The following MYO3B variants were observed in gnomAD, a reference collection of about 807,000 sequenced individuals.
MYO3B encodes myosin IIIB.
In MYO3B, 156 loss-of-function variants were observed where a neutral mutation model predicts 174.6. That is an observed-to-expected ratio of 0.89 (90% CI 0.78 to 1.02). MYO3B has a LOEUF of 1.02. Among genes scored for constraint, MYO3B ranks in the 50% least tolerant of loss-of-function variants. MYO3B has a pLI of 0.00. For missense variants in MYO3B, 1,632 were observed against 1,639.4 expected (o/e 1.00, Z 0.08); for synonymous variants, 563 against 569.1 (o/e 0.99, Z 0.15).
intron 7 of MYO3B, among the ~76,000 whole-genome samples, chr2:170,244,675 A>T (rs200692742): frequency 6.6e-6 from 1 of 152,080 alleles, no homozygotes; most frequent in African/African-American, 2.4e-5. Context: ...AATTACTAAA[A>T]TTTTTTTCAT....
At chr2:170,375,961 T>C (rs915969105) in intron 9 of MYO3B, among the ~76,000 whole-genome samples, 1 of 152,180 alleles carries the variant, frequency 6.6e-6, no homozygotes, top group African/African-American at 2.4e-5. Flanking sequence ...ATGAGTAAGT[T>C]AGTTAATATT....
intron 12 of MYO3B, among the ~76,000 whole-genome samples, chr2:170,385,293 G>T (rs1381735135): frequency 6.6e-6 from 1 of 152,136 alleles, no homozygotes; most frequent in East Asian, 1.9e-4. Flanking sequence ...AGGGCTGAAA[G>T]TTCCCACACT....
chr2:170,387,253 G>C lies in MYO3B; in HGVS notation c.1522G>C (p.Gly508Arg). 6.2e-7 allele frequency: 1 copy of C among 1,614,164 alleles called. No individual in the cohort carries two copies. The highest frequency in any genetic ancestry group is 8.5e-7 in the Non-Finnish European group (1 of 1,179,986). ...GTTTACACCAACTGGAGTTGTGATG[G>C]GGGCAAGAATCTCTGAATATCTCCT... ...MMFTPTGVVMGARISEYLLEK... is the reference protein window; with the variant it reads ...MMFTPTGVVMRARISEYLLEK... The change falls in exon 14 of 35, where the codon GGG (glycine) becomes CGG (arginine). Residue 508 changes from glycine (G) to arginine (R), a missense_variant. Transcript: ENST00000408978.
At chr2:170,332,104 C>T (rs2093915874) in intron 7 of MYO3B, 1 of 152,182 alleles carries the variant, frequency 6.6e-6, no homozygotes, top group African/African-American at 2.4e-5. Flanking sequence ...ATTATTCTGC[C>T]TGCTTTAATT....
At chr2:170,474,759 AAAAAAAAAAAAAAAAAAAAAAAAAAGAT>A in intron 25 of MYO3B, among the ~76,000 whole-genome samples, 1 of 128,218 alleles carries the variant, frequency 7.8e-6, no homozygotes, top group Non-Finnish European at 1.6e-5. Flanking sequence ...AAAAAAAAAA[AAAAAAAAAAAAAAAAAAAAAAAAAAGAT>A]AGGCATCCAT....
chr2:170,346,878 T>C (rs2094020572), intron 8 of MYO3B, among the ~76,000 whole-genome samples: 1 of 152,202 alleles, frequency 6.6e-6, no homozygotes, highest in Non-Finnish European at 1.5e-5. Flanking sequence ...TGACACTGCA[T>C]CTAGGATAGA....
At chr2:170,594,800 A>G (rs1474462363) in intron 32 of MYO3B, among the ~76,000 whole-genome samples, 1 of 150,610 alleles carries the variant, frequency 6.6e-6, no homozygotes, top group East Asian at 2.0e-4. Flanking sequence ...AATCTGCCCA[A>G]TGAGTATGCA....
intron 1 of MYO3B, among the ~76,000 whole-genome samples, chr2:170,188,902 T>C (rs1051902945): frequency 6.6e-6 from 1 of 152,194 alleles, no homozygotes; most frequent in African/African-American, 2.4e-5. Flanking sequence ...ATTAGTGTTA[T>C]AATATTCTGT....
chr2:170,370,701 C>T (rs193086014), intron 9 of MYO3B, among the ~76,000 whole-genome samples: 3 of 146,122 alleles, frequency 2.1e-5, no homozygotes, highest in East Asian at 2.0e-4. Context: ...AAAATGAAGA[C>T]GAAGTAAAAG....
chr2:170,543,053 G>A (rs1690226570), intron 31 of MYO3B, 87 bp downstream of exon 31: 3 of 1,131,046 alleles, frequency 2.7e-6, no homozygotes, highest in Admixed American at 4.0e-5. Flanking sequence ...GTCTGCGGCT[G>A]CGTGGTTGGA....
At chr2:170,489,085 GA>G (rs553985563) in intron 25 of MYO3B, among the ~76,000 whole-genome samples, 115 of 152,338 alleles carry the variant, frequency 7.5e-4, no homozygotes, top group Non-Finnish European at 1.4e-3. Context: ...CACACAGGAA[GA>G]GCTAGGAAGG....
At chr2:170,357,347 ATATATTT>A in intron 8 of MYO3B, among the ~76,000 whole-genome samples, 1 of 146,438 alleles carries the variant, frequency 6.8e-6, no homozygotes, top group Non-Finnish European at 1.5e-5. Context: ...TATTATATAT[ATATATTT>A]TATATATTAT....
intron 7 of MYO3B, among the ~76,000 whole-genome samples, chr2:170,295,886 A>G (rs1488924423): frequency 6.6e-6 from 1 of 152,182 alleles, no homozygotes; most frequent in Non-Finnish European, 1.5e-5. Context: ...GTTATTCCAT[A>G]AAGTGCTGGC....
chr2:170,651,593 G>C (rs763285921), intron 32 of MYO3B, 35 bp from the exon 33 acceptor site: 1 of 1,580,204 alleles, frequency 6.3e-7, no homozygotes, highest in East Asian at 2.2e-5. Context: ...CCAACACCTC[G>C]GACAGTTTAC....
chr2:170,631,775 A>G (rs75085666), intron 32 of MYO3B, among the ~76,000 whole-genome samples: 20,011 of 152,172 alleles, frequency 0.13, 1,486 homozygotes, highest in East Asian at 0.32. Context: ...AGAGACACAC[A>G]CAGGCTCAAA....
intron 25 of MYO3B, among the ~76,000 whole-genome samples, chr2:170,497,617 C>CAAA (rs34345597): frequency 1.3e-5 from 2 of 148,556 alleles, no homozygotes; most frequent in Admixed American, 1.3e-4. Flanking sequence ...GACTCAGTCT[C>CAAA]AAAAAAAAAA....
chr2:170,568,607 T>G (rs1046395424), intron 32 of MYO3B, among the ~76,000 whole-genome samples: 1 of 152,234 alleles, frequency 6.6e-6, no homozygotes, highest in Non-Finnish European at 1.5e-5. Flanking sequence ...TTCTGCAGTT[T>G]GCCCCACCAC....
In MYO3B at chr2:170,233,291, T is replaced by C. The variant is rs141277119; in HGVS notation, c.604-2700T>C. 4.5e-3 allele frequency among the ~76,000 whole-genome samples: 690 copies of C among 152,350 alleles called. 8 individuals are homozygous for C. The highest frequency in any genetic ancestry group is 0.016 in the African/African-American group (658 of 41,580). ...TCATTTAATTATGATAGGTTCACCT[T>C]ATATTTTGATTGGCCATAGCTCCTA... On this transcript the variant is annotated intron_variant, in intron 6 of 34. Coordinates refer to ENST00000408978, the MANE Select transcript of MYO3B (RefSeq NM_138995.5).
intron 2 of MYO3B, among the ~76,000 whole-genome samples, chr2:170,199,684 A>G (rs2092640010): frequency 6.6e-6 from 1 of 152,182 alleles, no homozygotes; most frequent in Non-Finnish European, 1.5e-5. Context: ...TCTGTAAGTT[A>G]CAAAGTGACC....
Sources: allele counts gnomAD v4.1 joint callset (sites outside exome capture counted in the v4.1 genomes callset), GRCh38; gene constraint gnomAD v4.1.1; transcripts MANE v1.5; gene names NCBI Gene and HGNC (gene_info 2026-07-23, HGNC 2026-07-21).